The following DPYD variants were observed in gnomAD, a reference collection of about 807,000 sequenced individuals.
DPYD encodes dihydropyrimidine dehydrogenase.
DPYD carries 109 observed loss-of-function variants against 116.2 expected under a neutral mutation model. The observed-to-expected ratio is 0.94, with a 90% confidence interval of 0.80 to 1.10. The LOEUF (loss-of-function observed/expected upper bound fraction) is 1.10, where lower values mean the gene tolerates loss of function less well. DPYD is among the 50% of genes least tolerant of loss of function. The pLI, the probability that DPYD is intolerant of heterozygous loss-of-function variation, is 0.00. For missense variants in DPYD, 1,302 were observed against 1,254.5 expected, an observed-to-expected ratio of 1.04 and a Z score of -0.57; for synonymous variants, 440 against 432.0, an observed-to-expected ratio of 1.02 and a Z score of -0.23.
chr1:97,825,711 T>C (rs1419300792), intron 3 of DPYD, among the ~76,000 whole-genome samples: 1 of 151,434 alleles, frequency 6.6e-6, no homozygotes, highest in African/African-American at 2.4e-5. Flanking sequence ...ACATGGCGCA[T>C]GTATACATAT....
At chr1:97,409,740 T>C (rs1342944147) in intron 14 of DPYD, among the ~76,000 whole-genome samples, 1 of 152,142 alleles carries the variant, frequency 6.6e-6, no homozygotes, top group Non-Finnish European at 1.5e-5. Context: ...GACATACACA[T>C]GGTGTTCTTC....
intron 1 of DPYD, among the ~76,000 whole-genome samples, chr1:97,905,444 T>C (rs78736851): frequency 0.026 from 4,031 of 152,146 alleles, 73 homozygotes; most frequent in Admixed American, 0.031. Context: ...TCTAAATGTA[T>C]ACAGACTTTA....
chr1:97,593,914 C>A (rs1654702935), intron 9 of DPYD, among the ~76,000 whole-genome samples: 1 of 152,104 alleles, frequency 6.6e-6, no homozygotes, highest in South Asian at 2.1e-4. Context: ...TTTCTGAGAA[C>A]TATTTTCTTG....
chr1:97,581,760 A>AG (rs1156553556), intron 10 of DPYD, among the ~76,000 whole-genome samples: 2 of 151,374 alleles, frequency 1.3e-5, no homozygotes, highest in Non-Finnish European at 3.0e-5. Context: ...AAAAAAAAAA[A>AG]AAAAAAAGAA....
chr1:97,145,615 T>G (rs1167516534), intron 20 of DPYD, among the ~76,000 whole-genome samples: 1 of 152,092 alleles, frequency 6.6e-6, no homozygotes, highest in Non-Finnish European at 1.5e-5. Flanking sequence ...TAATAAGCAC[T>G]AAAATATGCA....
chr1:97,521,204 AT>A (rs201817266), intron 12 of DPYD, among the ~76,000 whole-genome samples: 2,155 of 152,216 alleles, frequency 0.014, 32 homozygotes, highest in Non-Finnish European at 0.019. Flanking sequence ...TGTGGTTTTG[AT>A]TTGCATTTCT....
chr1:97,549,507 G>A, intron 12 of DPYD, 53 bp downstream of exon 12: 11 of 1,575,804 alleles, frequency 7.0e-6, no homozygotes, highest in Non-Finnish European at 8.7e-6. Flanking sequence ...AAAAATAAAT[G>A]AAGCACTTAT....
At chr1:97,783,017 G>A (rs1224447591) in intron 3 of DPYD, among the ~76,000 whole-genome samples, 1 of 152,168 alleles carries the variant, frequency 6.6e-6, no homozygotes, top group Non-Finnish European at 1.5e-5. Flanking sequence ...GAGTGTGTTG[G>A]AGAGAAGCAC....
chr1:97,708,108 C>T lies in DPYD; in HGVS notation c.484-8561G>A, dbSNP rs1199571116. The stretch of plus-strand genomic sequence containing the variant: ...CCCTCAGCCTTCTGAGTAGCCAGGA[C>T]TACAGGTACATGCCACCACACCCAG... On this transcript the variant is annotated intron_variant, in intron 5 of 22. Coordinates refer to ENST00000370192, the MANE Select transcript of DPYD (RefSeq NM_000110.4). 1.3e-5 allele frequency among the ~76,000 whole-genome samples: 2 copies of T among 152,086 alleles called. 1 individual carries two copies. Among genetic ancestry groups the T allele is most frequent in the Middle Eastern group, 6.8e-3 (2 of 294 alleles).
chr1:97,323,548 T>TGTGTATATATAC (rs1668506860), intron 16 of DPYD, among the ~76,000 whole-genome samples: 1 of 80,932 alleles, frequency 1.2e-5, no homozygotes, highest in Non-Finnish European at 2.8e-5. Context: ...ATCATATATA[T>TGTGTATATATAC]ACATATATGT....
intron 8 of DPYD, among the ~76,000 whole-genome samples, chr1:97,638,225 T>A (rs1030669464): frequency 6.6e-6 from 1 of 152,114 alleles, no homozygotes; most frequent in Admixed American, 6.5e-5. Context: ...AAACCCTCAC[T>A]GTCAGCTCAG....
chr1:97,524,557 A>T (rs964999606), intron 12 of DPYD, among the ~76,000 whole-genome samples: 1 of 152,186 alleles, frequency 6.6e-6, no homozygotes, highest in African/African-American at 2.4e-5. Flanking sequence ...ATATATTCCC[A>T]CAAAGTTCTG....
intron 18 of DPYD, among the ~76,000 whole-genome samples, chr1:97,242,119 CGT>C (rs60099974): frequency 0.31 from 5,304 of 17,102 alleles, 1,025 homozygotes; most frequent in Middle Eastern, 0.4. Flanking sequence ...CGTGTGTGTG[CGT>C]GTGTATATAT....
intron 13 of DPYD, among the ~76,000 whole-genome samples, chr1:97,512,442 T>C (rs1416462338): frequency 6.6e-6 from 1 of 151,886 alleles, no homozygotes; most frequent in Non-Finnish European, 1.5e-5. Flanking sequence ...TGGGTTTAGA[T>C]TTGATTTAGG....
chr1:97,215,722 C>T (rs1039059953), intron 19 of DPYD, among the ~76,000 whole-genome samples: 4 of 152,164 alleles, frequency 2.6e-5, no homozygotes, highest in Non-Finnish European at 4.4e-5. Flanking sequence ...ATTCCTCCTG[C>T]GCACAAACAG....
chr1:97,592,681 G>C (rs978747598), intron 10 of DPYD, among the ~76,000 whole-genome samples: 2 of 152,106 alleles, frequency 1.3e-5, no homozygotes, highest in Non-Finnish European at 2.9e-5. Context: ...GTTATTTTTA[G>C]TATGCTAACT....
intron 18 of DPYD, chr1:97,296,118 T>C (rs1488831083): frequency 2.6e-5 from 4 of 152,164 alleles, no homozygotes; most frequent in Admixed American, 6.6e-5. Flanking sequence ...CAATAACATA[T>C]ACATAGAATA....
intron 1 of DPYD, among the ~76,000 whole-genome samples, chr1:97,916,202 T>C (rs1674202763): frequency 6.6e-6 from 1 of 152,206 alleles, no homozygotes; most frequent in Admixed American, 6.5e-5. Flanking sequence ...TTTATTATTA[T>C]ACTTTAAGTT....
At chr1:97,448,079 C>T (rs1676188205) in intron 14 of DPYD, among the ~76,000 whole-genome samples, 3 of 151,980 alleles carry the variant, frequency 2.0e-5, no homozygotes. Context: ...AAACAATTAG[C>T]CGGGCATGGT....
Sources: allele counts gnomAD v4.1 joint callset (sites outside exome capture counted in the v4.1 genomes callset), GRCh38; gene constraint gnomAD v4.1.1; transcripts MANE v1.5; gene names NCBI Gene and HGNC (gene_info 2026-07-23, HGNC 2026-07-21).